ACOT7: variants seen among roughly 807,000 people sequenced by gnomAD.
ACOT7 encodes the protein cytosolic acyl coenzyme A thioester hydrolase.
In ACOT7, 12 loss-of-function variants were observed where a neutral mutation model predicts 40.2. That is an observed-to-expected ratio of 0.30 (90% CI 0.19 to 0.48). ACOT7 has a LOEUF of 0.48. ACOT7 is among the 20% of genes least tolerant of loss of function. The pLI is 0.99. For synonymous variants in ACOT7, 228 were observed against 219.5 expected (o/e 1.04, Z -0.34); for missense variants, 395 against 530.8 (o/e 0.74, Z 2.51).
chr1:6,337,493 A>T (rs988708932), intron 3 of ACOT7, among the ~76,000 whole-genome samples: 1 of 152,104 alleles, frequency 6.6e-6, no homozygotes, highest in Non-Finnish European at 1.5e-5. Context: ...CTCATCCACT[A>T]TCGGTTCCAT....
At chr1:6,310,624 C>G (rs541603220) in intron 6 of ACOT7, among the ~76,000 whole-genome samples, 5 of 152,346 alleles carry the variant, frequency 3.3e-5, no homozygotes, top group Admixed American at 2.6e-4. Flanking sequence ...ATCATCAGAG[C>G]CACCCAGGGC....
chr1:6,373,111 G>A (rs952144113), intron 1 of ACOT7, among the ~76,000 whole-genome samples: 2 of 152,084 alleles, frequency 1.3e-5, no homozygotes, highest in African/African-American at 4.8e-5. Context: ...AAAATTACTG[G>A]TCATAGATCA....
intron 4 of ACOT7, among the ~76,000 whole-genome samples, chr1:6,332,398 C>T (rs746618421): frequency 1.2e-4 from 18 of 152,220 alleles, no homozygotes; most frequent in Non-Finnish European, 2.4e-4. Context: ...TTTTAGGCAA[C>T]GAATTAAATT....
chr1:6,286,686 C>T (rs1280948908), intron 7 of ACOT7, among the ~76,000 whole-genome samples: 5 of 152,354 alleles, frequency 3.3e-5, no homozygotes, highest in African/African-American at 7.2e-5. Context: ...ACGACCCACT[C>T]ACAGTGGCTC....
chr1:6,281,011 T>C, intron 8 of ACOT7, 91 bp downstream of exon 8: 1 of 1,500,486 alleles, frequency 6.7e-7, no homozygotes, highest in Non-Finnish European at 9.0e-7. Flanking sequence ...ACAGGACTCA[T>C]GCAGGCACAG....
In ACOT7 at chr1:6,278,663, G is replaced by T. The variant is rs1043143617; in HGVS notation, c.1014+2439C>A. Among the ~76,000 whole-genome samples the T allele has an allele frequency of 2.0e-5, 3 of 152,214 alleles. No individual in the cohort carries two copies. Among genetic ancestry groups the T allele is most frequent in the African/African-American group, 7.2e-5 (3 of 41,450 alleles). ...ATTTGGGAGTCAATACAACACACAG[G>T]CGATGCTCGAGGCACAGACCATGGA... On this transcript the variant is annotated intron_variant, in intron 8 of 8. Transcript: ENST00000361521. This position sits in a 1 kb window ranked among gnomAD's most constrained non-coding sequence, Gnocchi z 4.1.
intron 6 of ACOT7, among the ~76,000 whole-genome samples, chr1:6,305,696 C>G (rs1272867542): frequency 1.9e-3 from 261 of 139,658 alleles, no homozygotes; most frequent in East Asian, 6.4e-3. Context: ...ACGCTCCTCA[C>G]TTTCCAGACT....
chr1:6,340,743 ATTC>A (rs999374035), intron 2 of ACOT7, among the ~76,000 whole-genome samples: 4 of 152,006 alleles, frequency 2.6e-5, no homozygotes, highest in Admixed American at 1.3e-4. Flanking sequence ...TGCAATCACT[ATTC>A]TTCTTTAGGC....
Position 6,393,381 on chromosome 1 carries a change from T to C in ACOT7, c.19A>G (p.Ile7Val). The C allele has an allele frequency of 8.1e-7, 1 of 1,231,672 alleles. No homozygotes were observed. The highest frequency in any genetic ancestry group is 1.0e-6 in the Non-Finnish European group (1 of 984,738). 76.3% of individuals were successfully genotyped at this position (1,231,672 alleles called of 1,614,324 possible). ...TCTGGCAGGCCCGGCGCGGAATGAA[T>C]GAGCCCGGGCCGCGCCATAAAGGGG... Reference protein sequence around the residue: MARPGLIHSAPGLPDTC... With the variant: MARPGLVHSAPGLPDTC... The change falls in exon 1 of 9, where the codon ATT (isoleucine) becomes GTT (valine). Residue 7 changes from isoleucine to valine, a missense_variant. Physicochemically the swap from Ile to Val is conservative, Grantham distance 29. This residue lies in a region of ACOT7 where 86 missense variants were observed against 60.5 expected (regional missense o/e 1.42). Coordinates refer to ENST00000361521, the MANE Select transcript of ACOT7 (RefSeq NM_007274.4).
At chr1:6,369,398 CT>C (rs60404741) in intron 1 of ACOT7, among the ~76,000 whole-genome samples, 4,283 of 100,798 alleles carry the variant, frequency 0.042, 66 homozygotes, top group African/African-American at 0.13. Context: ...AAATGCATTT[CT>C]TTTTTTTTTT....
rs778400446 is a variant in ACOT7, at chr1:6,311,340, C to G, written c.712+7152G>C. Reference sequence around the variant, plus strand: ...GACCCTGATACAGGAACCGGAGAAGCAACCAGAACAACCCGGATCATCCCA... The same window carrying G: ...GACCCTGATACAGGAACCGGAGAAGGAACCAGAACAACCCGGATCATCCCA... On this transcript the variant is annotated intron_variant, in intron 6 of 8. Transcript: ENST00000361521. This position sits in a 1 kb window ranked among gnomAD's most constrained non-coding sequence, Gnocchi z 5.2. 6.6e-6 allele frequency among the ~76,000 whole-genome samples: 1 copy of G among 152,238 alleles called. No individual in the cohort carries two copies. The highest frequency in any genetic ancestry group is 1.5e-5 in the Non-Finnish European group (1 of 68,044).
Position 6,327,886 on chromosome 1 carries a change from G to A in ACOT7, c.511-473C>T, listed in dbSNP as rs576679591. 5.9e-5 allele frequency among the ~76,000 whole-genome samples: 9 copies of A among 152,192 alleles called. No homozygotes were observed. The East Asian group carries it at 1.7e-3, about 29-fold the overall frequency. On this transcript the variant is annotated intron_variant, in intron 4 of 8. Coordinates refer to ENST00000361521, the MANE Select transcript of ACOT7 (RefSeq NM_007274.4). ...CCTCCCGGGTTCAAGTGATTCTCCT[G>A]CCTCAGCCTCCCCGGTACCTGGGAC...
chr1:6,324,830 T>A (rs970914246), intron 5 of ACOT7, among the ~76,000 whole-genome samples: 2 of 152,214 alleles, frequency 1.3e-5, no homozygotes, highest in Non-Finnish European at 2.9e-5. Context: ...TTTAACCACA[T>A]CTGCAAAGAC....
intron 4 of ACOT7, among the ~76,000 whole-genome samples, chr1:6,332,601 G>T (rs1234720085): frequency 6.6e-6 from 1 of 152,100 alleles, no homozygotes; most frequent in African/African-American, 2.4e-5. Context: ...GGATCATGAG[G>T]TCAGGAGATC....
Position 6,306,748 on chromosome 1 carries a change from C to T in ACOT7, c.712+11744G>A, listed in dbSNP as rs1460008052. ...GAACAGCTCTTCGTCCACCTTTTTCCTTCCTTGCCCCAACACTGAGGGTCT... is the reference window on the plus strand; with the variant it reads ...GAACAGCTCTTCGTCCACCTTTTTCTTTCCTTGCCCCAACACTGAGGGTCT... On this transcript the variant is annotated intron_variant, in intron 6 of 8. Coordinates refer to ENST00000361521, the MANE Select transcript of ACOT7 (RefSeq NM_007274.4). This position sits in a 1 kb window ranked among gnomAD's most constrained non-coding sequence, Gnocchi z 4.3. 4 of 1,252,854 alleles carry T rather than the reference C, an allele frequency of 3.2e-6. No homozygotes were observed. The highest frequency in any genetic ancestry group is 5.1e-5 in the Admixed American group (2 of 39,222). 77.6% of individuals were successfully genotyped at this position (1,252,854 alleles called of 1,614,324 possible).
chr1:6,376,106 T>C (rs1441673675), intron 1 of ACOT7, among the ~76,000 whole-genome samples: 1 of 151,844 alleles, frequency 6.6e-6, no homozygotes, highest in Non-Finnish European at 1.5e-5. Context: ...AGTACAAAAA[T>C]TAGCCATGCG....
intron 8 of ACOT7, among the ~76,000 whole-genome samples, chr1:6,272,815 C>T (rs1383254229): frequency 6.6e-6 from 1 of 152,244 alleles, no homozygotes; most frequent in Non-Finnish European, 1.5e-5. Flanking sequence ...AGATCTCTCG[C>T]TCACCTTCCG....
At chr1:6,375,810 C>G (rs2148476574) in intron 1 of ACOT7, among the ~76,000 whole-genome samples, 1 of 152,034 alleles carries the variant, frequency 6.6e-6, no homozygotes, top group African/African-American at 2.4e-5. Context: ...TGGTGGCGGG[C>G]ACCTGTAGTC....
At chr1:6,335,278 G>A (rs142781825) in intron 3 of ACOT7, among the ~76,000 whole-genome samples, 1,466 of 140,224 alleles carry the variant, frequency 0.01, 22 homozygotes, top group African/African-American at 0.036. Flanking sequence ...GGTGAGCCGA[G>A]ATGGCGCCAT....
Sources: allele counts gnomAD v4.1 joint callset (sites outside exome capture counted in the v4.1 genomes callset), GRCh38; gene constraint gnomAD v4.1.1; regional missense constraint gnomAD v4.1.1; non-coding constraint Gnocchi (gnomAD v3.1); transcripts MANE v1.5; gene names NCBI Gene and HGNC (gene_info 2026-07-23, HGNC 2026-07-21).